Variants in PTPRT observed in about 807,000 individuals in gnomAD.
The protein encoded by PTPRT is receptor-type tyrosine-protein phosphatase T.
In PTPRT, 56 loss-of-function variants were observed where a neutral mutation model predicts 176.8. The ratio of observed to expected loss-of-function variants is 0.32; its 90% CI spans 0.26 to 0.40. The LOEUF (loss-of-function observed/expected upper bound fraction) is 0.40, where lower values mean the gene tolerates loss of function less well. PTPRT is among the 10% of genes least tolerant of loss of function. The probability of loss-of-function intolerance (pLI) is 1.00; values close to 1 mark genes in which losing one functional copy is unlikely to be tolerated. For missense variants in PTPRT, 1,540 were observed against 1,908.2 expected, an observed-to-expected ratio of 0.81 and a Z score of 3.60; for synonymous variants, 783 against 739.0, an observed-to-expected ratio of 1.06 and a Z score of -0.96.
At chr20:43,142,280 G>T (rs926478693) in intron 1 of PTPRT, among the ~76,000 whole-genome samples, 1 of 152,226 alleles carries the variant, frequency 6.6e-6, no homozygotes, top group African/African-American at 2.4e-5. Context: ...GGAAAGACAA[G>T]GTTGTGAGCC....
chr20:42,596,318 C>T (rs1601340500), intron 7 of PTPRT, among the ~76,000 whole-genome samples: 1 of 152,326 alleles, frequency 6.6e-6, no homozygotes, highest in African/African-American at 2.4e-5. Context: ...TGAAATATCT[C>T]CTGGCTCAGA....
chr20:42,506,502 T>C (rs2071847616), intron 7 of PTPRT, among the ~76,000 whole-genome samples: 1 of 152,298 alleles, frequency 6.6e-6, no homozygotes, highest in Non-Finnish European at 1.5e-5. Context: ...CTTTTTTCTT[T>C]AATCCCTTTG....
chr20:42,222,189 T>C (rs912069547), intron 15 of PTPRT, among the ~76,000 whole-genome samples: 2 of 152,204 alleles, frequency 1.3e-5, no homozygotes, highest in Non-Finnish European at 2.9e-5. Flanking sequence ...ACAGCACTAG[T>C]AATTAGCACA....
At chr20:42,856,661 C>T (rs1600481034) in intron 2 of PTPRT, among the ~76,000 whole-genome samples, 4 of 152,076 alleles carry the variant, frequency 2.6e-5, no homozygotes, top group Non-Finnish European at 4.4e-5. Context: ...ATACTAGATC[C>T]GCTGCAGTTC....
chr20:42,359,996 C>A (rs1230064545), intron 9 of PTPRT, among the ~76,000 whole-genome samples: 1 of 152,230 alleles, frequency 6.6e-6, no homozygotes, highest in Non-Finnish European at 1.5e-5. Flanking sequence ...CCAATCAATG[C>A]CCTGCTCTCT....
the PTPRT span, among the ~76,000 whole-genome samples, chr20:42,038,689 G>A: frequency 6.6e-6 from 1 of 152,186 alleles, no homozygotes; most frequent in Non-Finnish European, 1.5e-5. Context: ...TGTAGGGTGT[G>A]GTGATGATAT....
intron 6 of PTPRT, among the ~76,000 whole-genome samples, chr20:42,748,797 G>A (rs574290638): frequency 3.3e-5 from 5 of 151,972 alleles, no homozygotes; most frequent in Non-Finnish European, 5.9e-5. Flanking sequence ...ACTGGAGGGG[G>A]TTAAGGTACA....
At chr20:42,590,287 C>T (rs574056350) in intron 7 of PTPRT, among the ~76,000 whole-genome samples, 14 of 152,120 alleles carry the variant, frequency 9.2e-5, no homozygotes, top group Non-Finnish European at 1.9e-4. Flanking sequence ...CAGGAAGGAG[C>T]CCCCAAATGA....
At chr20:42,593,748 C>G (rs186105973) in intron 7 of PTPRT, among the ~76,000 whole-genome samples, 56 of 152,282 alleles carry the variant, frequency 3.7e-4, no homozygotes, top group Non-Finnish European at 1.5e-5. Context: ...CAGGAAGGGA[C>G]ACATTTTAAG....
chr20:42,628,865 G>A (rs950510439), intron 7 of PTPRT, among the ~76,000 whole-genome samples: 1 of 152,112 alleles, frequency 6.6e-6, no homozygotes, highest in African/African-American at 2.4e-5. Context: ...AGACCATTTG[G>A]TCCACAAATG....
At chr20:43,010,380 C>A (rs767663773) in intron 1 of PTPRT, among the ~76,000 whole-genome samples, 4 of 152,126 alleles carry the variant, frequency 2.6e-5, no homozygotes, top group South Asian at 2.1e-4. Flanking sequence ...CCTTGCTGAT[C>A]CTCACACTCA....
chr20:42,250,773 T>C (rs1032769611), intron 13 of PTPRT, among the ~76,000 whole-genome samples: 1 of 152,240 alleles, frequency 6.6e-6, no homozygotes, highest in Non-Finnish European at 1.5e-5. Context: ...TGAGTGGCCA[T>C]GTGCTGTGTG....
rs1293952535 is a variant in PTPRT, at chr20:42,941,090, AT to A, written c.89-55159del. 2.5e-3 allele frequency among the ~76,000 whole-genome samples: 372 copies of A among 149,562 alleles called. 3 individuals carry two copies. The highest frequency in any genetic ancestry group is 8.6e-3 in the African/African-American group (345 of 40,266). On this transcript the variant is annotated intron_variant, in intron 1 of 30. Coordinates refer to ENST00000373187, the MANE Select transcript of PTPRT (RefSeq NM_007050.6). ...GAGCAAGACTCCATCTCAAAAAAAA[AT>A]AATAATAATAATAATAATAATAAGA...
chr20:42,792,372 C>T (rs942852932), intron 2 of PTPRT, among the ~76,000 whole-genome samples: 1 of 152,170 alleles, frequency 6.6e-6, no homozygotes. Context: ...AGGGCAGACT[C>T]ATGAAAGAAA....
rs1402468668 is a variant in PTPRT, at chr20:42,236,211, C to T, written c.2342+18G>A. On this transcript the variant is annotated intron_variant, in intron 15 of 30. Transcript: ENST00000373187. The stretch of plus-strand genomic sequence containing the variant: ...CTTACAGGGCACGAAGCAAAGTTAA[C>T]ACCAGCTCGATACTTACAAGTAATA... 2 of 1,588,350 alleles carry T rather than the reference C, an allele frequency of 1.3e-6. No individual in the cohort carries two copies. The highest frequency in any genetic ancestry group is 1.7e-6 in the Non-Finnish European group (2 of 1,158,462).
chr20:42,408,440 G>A (rs1323875400), intron 9 of PTPRT, among the ~76,000 whole-genome samples: 1 of 152,080 alleles, frequency 6.6e-6, no homozygotes, highest in Non-Finnish European at 1.5e-5. Context: ...AGATTAATAT[G>A]TAAGGTGATG....
chr20:42,665,450 C>T (rs1600573744), intron 7 of PTPRT, among the ~76,000 whole-genome samples: 1 of 151,202 alleles, frequency 6.6e-6, no homozygotes. Context: ...ACAACAGGTG[C>T]TGGAGAGGAT....
intron 16 of PTPRT, among the ~76,000 whole-genome samples, chr20:42,196,296 T>C (rs977651056): frequency 6.6e-6 from 1 of 152,202 alleles, no homozygotes; most frequent in Admixed American, 6.5e-5. Flanking sequence ...CAACTTAGCA[T>C]AGCCAGAGAC....
At chr20:42,230,862 T>A (rs2056119419) in intron 15 of PTPRT, among the ~76,000 whole-genome samples, 1 of 152,262 alleles carries the variant, frequency 6.6e-6, no homozygotes, top group African/African-American at 2.4e-5. Flanking sequence ...TCTTTAACTA[T>A]CCTGTGTCCC....
Sources: gnomAD v4.1 joint callset for allele counts (sites outside exome capture counted in the v4.1 genomes callset) on GRCh38, gnomAD v4.1.1 for gene constraint, MANE v1.5 for transcripts, NCBI Gene and HGNC (gene_info 2026-07-23, HGNC 2026-07-21) for gene names.